The following OXR1 variants were observed in gnomAD, a reference collection of about 807,000 sequenced individuals.
OXR1 encodes oxidation resistance protein 1.
A neutral mutation model predicts 104.6 loss-of-function variants in OXR1; 41 were observed. The ratio of observed to expected loss-of-function variants is 0.39; its 90% CI spans 0.31 to 0.51. The LOEUF is 0.51. Among genes scored for constraint, OXR1 ranks in the 20% least tolerant of loss-of-function variants. OXR1 has a pLI of 0.77. For synonymous variants in OXR1, 348 were observed against 348.4 expected (o/e 1.00, Z 0.01); for missense variants, 955 against 1,031.9 (o/e 0.93, Z 1.02).
chr8:106,607,207 C>T (rs527975200), intron 3 of OXR1, among the ~76,000 whole-genome samples: 3 of 152,318 alleles, frequency 2.0e-5, no homozygotes, highest in South Asian at 2.1e-4. Context: ...TCCTCAGAAG[C>T]GGAACTTGAA....
At chr8:106,629,178 A>T (rs186716445) in intron 3 of OXR1, among the ~76,000 whole-genome samples, 1 of 152,308 alleles carries the variant, frequency 6.6e-6, no homozygotes, top group African/African-American at 2.4e-5. Flanking sequence ...AGATAGTAAA[A>T]TAACATTTAA....
chr8:106,381,156 C>T (rs1048952453), intron 2 of OXR1, among the ~76,000 whole-genome samples: 1 of 152,104 alleles, frequency 6.6e-6, no homozygotes, highest in Non-Finnish European at 1.5e-5. Context: ...GAAGAGTTCA[C>T]ACAGGACTGG....
chr8:106,689,044 C>G (rs568214640), intron 6 of OXR1, among the ~76,000 whole-genome samples: 2 of 152,130 alleles, frequency 1.3e-5, no homozygotes, highest in South Asian at 4.2e-4. Context: ...TCTTTAATTA[C>G]CTATATTAGT....
chr8:106,312,329 A>G (rs916957984), intron 1 of OXR1, among the ~76,000 whole-genome samples: 5 of 152,210 alleles, frequency 3.3e-5, no homozygotes, highest in Admixed American at 6.5e-5. Flanking sequence ...ATTTGTAGTC[A>G]AAAATAGAGA....
At chr8:106,723,315 C>G (rs1342270653) in intron 11 of OXR1, among the ~76,000 whole-genome samples, 1 of 151,956 alleles carries the variant, frequency 6.6e-6, no homozygotes, top group East Asian at 1.9e-4. Context: ...CACGGTGAAA[C>G]CCCGTCTCTA....
intron 1 of OXR1, among the ~76,000 whole-genome samples, chr8:106,344,249 C>G (rs1262678198): frequency 6.6e-6 from 1 of 151,160 alleles, no homozygotes; most frequent in Non-Finnish European, 1.5e-5. Flanking sequence ...ATATCTGCTT[C>G]CCACGAACTA....
At chr8:106,466,707 A>G (rs1472367502) in intron 2 of OXR1, among the ~76,000 whole-genome samples, 3 of 151,914 alleles carry the variant, frequency 2.0e-5, no homozygotes, top group African/African-American at 7.2e-5. Flanking sequence ...TGCATCATGT[A>G]ATTTAGTTAT....
intron 2 of OXR1, among the ~76,000 whole-genome samples, chr8:106,374,541 A>G (rs1479924740): frequency 1.3e-5 from 2 of 152,222 alleles, no homozygotes; most frequent in African/African-American, 4.8e-5. Flanking sequence ...GGAAAGTTAA[A>G]TGTTCTCACA....
chr8:106,404,873 T>G (rs1818153615), intron 2 of OXR1, among the ~76,000 whole-genome samples: 1 of 151,848 alleles, frequency 6.6e-6, no homozygotes. Context: ...GCTTGGCTAA[T>G]TTTTTGTATT....
At chr8:106,726,346 C>T in intron 11 of OXR1, 1 of 1,053,258 alleles carries the variant, frequency 9.5e-7, no homozygotes, top group South Asian at 1.6e-5. Context: ...TGTATATATA[C>T]TAGTCTTTTC....
chr8:106,674,602 G>T (rs879463001), intron 3 of OXR1, among the ~76,000 whole-genome samples: 1 of 152,070 alleles, frequency 6.6e-6, no homozygotes, highest in Admixed American at 6.5e-5. Flanking sequence ...AATTTGGGAG[G>T]GGCCAGGGGC....
intron 2 of OXR1, among the ~76,000 whole-genome samples, chr8:106,476,115 A>G (rs1443180230): frequency 1.3e-5 from 2 of 151,806 alleles, no homozygotes; most frequent in Admixed American, 6.6e-5. Context: ...CTCTTGCATA[A>G]CACTGACAAC....
chr8:106,463,868 T>C (rs913664927), intron 2 of OXR1, among the ~76,000 whole-genome samples: 6 of 152,082 alleles, frequency 3.9e-5, no homozygotes. Flanking sequence ...GATTTAGAAA[T>C]AGGAAAACCT....
chr8:106,504,516 C>T (rs1247266999), intron 2 of OXR1, among the ~76,000 whole-genome samples: 3 of 152,144 alleles, frequency 2.0e-5, no homozygotes, highest in Non-Finnish European at 4.4e-5. Flanking sequence ...CCTCAAGTGG[C>T]TGATAGCAAA....
intron 1 of OXR1, among the ~76,000 whole-genome samples, chr8:106,282,330 G>T (rs1812322909): frequency 6.6e-6 from 1 of 152,258 alleles, no homozygotes; most frequent in South Asian, 2.1e-4. Context: ...ACAGCTGTTT[G>T]CAGATATTTT....
At chr8:106,508,525 G>A (rs1216026714) in intron 2 of OXR1, among the ~76,000 whole-genome samples, 3 of 152,120 alleles carry the variant, frequency 2.0e-5, no homozygotes, top group Non-Finnish European at 2.9e-5. Context: ...TAGCTAATCC[G>A]AATTTCGATA....
chr8:106,340,286 G>A (rs1018231298), intron 1 of OXR1, among the ~76,000 whole-genome samples: 1 of 151,260 alleles, frequency 6.6e-6, no homozygotes, highest in Non-Finnish European at 1.5e-5. Context: ...TAAGTCACCA[G>A]GAAGCACTTA....
intron 7 of OXR1, among the ~76,000 whole-genome samples, chr8:106,699,791 C>T (rs1280610450): frequency 6.6e-6 from 1 of 152,152 alleles, no homozygotes; most frequent in Non-Finnish European, 1.5e-5. Context: ...GTGGTGCTTT[C>T]TCATGGAAGT....
rs1257866403 is a variant in OXR1 at position 106,551,854 on chromosome 8, A to G, written c.220+32715A>G. Among the ~76,000 whole-genome samples the G allele has an allele frequency of 1.1e-4, 11 of 102,134 alleles. No homozygotes were observed. The East Asian group carries it at 2.1e-3, about 20-fold the overall frequency. 67.0% of individuals were successfully genotyped at this position (102,134 alleles called of 152,430 possible). The stretch of plus-strand genomic sequence containing the variant: ...TATATATATGTGTACATATATGTGT[A>G]TATATATGTGTGTGTGTGTGTGTGT... On this transcript the variant is annotated intron_variant, in intron 3 of 16. Coordinates refer to ENST00000517566, the MANE Select transcript of OXR1 (RefSeq NM_001198533.2).
Sources: allele counts gnomAD v4.1 joint callset (sites outside exome capture counted in the v4.1 genomes callset), GRCh38; gene constraint gnomAD v4.1.1; transcripts MANE v1.5; gene names NCBI Gene and HGNC (gene_info 2026-07-23, HGNC 2026-07-21).